The following KIRREL3 variants were observed in gnomAD, a reference collection of about 807,000 sequenced individuals.
The protein encoded by KIRREL3 is kirre like nephrin family adhesion molecule 3.
Under a neutral mutation model 89.7 loss-of-function variants are expected in KIRREL3, and 36 were observed. The observed-to-expected ratio is 0.40, with a 90% CI of 0.31 to 0.53. The LOEUF is 0.53. Among genes scored for constraint, KIRREL3 ranks in the 20% least tolerant of loss-of-function variants. The probability of loss-of-function intolerance (pLI) is 0.49; values close to 1 mark genes in which losing one functional copy is unlikely to be tolerated. For synonymous variants in KIRREL3, 445 were observed against 441.4 expected (o/e 1.01, Z -0.10); for missense variants, 864 against 1,056.6 (o/e 0.82, Z 2.53).
rs71048789 is a variant in KIRREL3 at position 126,455,632 on chromosome 11, CA to C, written c.848+716del. Among the ~76,000 whole-genome samples, 47,307 of 142,838 alleles carry C rather than the reference CA, an allele frequency of 0.33. 7,824 individuals are homozygous for C. The highest frequency in any genetic ancestry group is 0.48 in the East Asian group (2,355 of 4,950). The allele number at this position is 142,838 out of a possible 152,430, so 93.7% of individuals were successfully genotyped here. ...TGAAACGCTGTCTCTACTAAAAATACAAAAAAAAAAAAAAATTAGCTGGCGT... is the reference window on the plus strand; with the variant it reads ...TGAAACGCTGTCTCTACTAAAAATACAAAAAAAAAAAAAATTAGCTGGCGT... On this transcript the variant is annotated intron_variant, in intron 7 of 16. Coordinates refer to ENST00000525144, the MANE Select transcript of KIRREL3 (RefSeq NM_032531.4). This position sits in a 1 kb window ranked among gnomAD's most constrained non-coding sequence, Gnocchi z 6.4.
Position 126,579,621 on chromosome 11 carries a change from G to C in KIRREL3, c.56-16709C>G, listed in dbSNP as rs1230951787. On this transcript the variant is annotated intron_variant, in intron 1 of 16. Transcript: ENST00000525144. The surrounding 1 kb of genome is among the most constrained non-coding windows in gnomAD (Gnocchi z 5.3). ...AGGGCAGGGTACAAAGGAGGCAAAT[G>C]CACCACCTGTGGCCCTAGAGTGGGG... 6.6e-6 allele frequency among the ~76,000 whole-genome samples: 1 copy of C among 151,464 alleles called. No individual in the cohort carries two copies. The highest frequency in any genetic ancestry group is 2.4e-5 in the African/African-American group (1 of 41,180).
In KIRREL3 at chr11:126,508,265, ATTTTT is replaced by A. The variant is rs1005186194; in HGVS notation, c.433+13045_433+13049del. On this transcript the variant is annotated intron_variant, in intron 4 of 16. Coordinates refer to ENST00000525144, the MANE Select transcript of KIRREL3 (RefSeq NM_032531.4). The surrounding 1 kb of genome is among the most constrained non-coding windows in gnomAD (Gnocchi z 4.9). ...TTCGGGTTGTGGGACTCAGCTATTT[ATTTTT>A]GTGAGATGGAGGCTTCTGGGTGCCT... 1.3e-5 allele frequency among the ~76,000 whole-genome samples: 2 copies of A among 152,096 alleles called. No individual in the cohort carries two copies. Among genetic ancestry groups the A allele is most frequent in the African/African-American group, 4.8e-5 (2 of 41,412 alleles).
At chr11:126,831,950 A>G (rs1337684734) in intron 1 of KIRREL3, among the ~76,000 whole-genome samples, 1 of 152,252 alleles carries the variant, frequency 6.6e-6, no homozygotes. Flanking sequence ...TGACACACAG[A>G]TATTAATGCA....
chr11:126,499,175 G>T (rs1361671068), intron 4 of KIRREL3, among the ~76,000 whole-genome samples: 2 of 147,700 alleles, frequency 1.4e-5, no homozygotes, highest in Admixed American at 6.8e-5. Flanking sequence ...AAAGCTGTGC[G>T]TTGCTCAGGC....
chr11:126,713,628 G>C (rs1947845729), intron 1 of KIRREL3, among the ~76,000 whole-genome samples: 1 of 152,208 alleles, frequency 6.6e-6, no homozygotes, highest in Non-Finnish European at 1.5e-5. Context: ...ACTGACAGGA[G>C]TGTACATTCT....
chr11:126,807,448 T>G lies in KIRREL3; in HGVS notation c.55+193007A>C, dbSNP rs1174178787. Among the ~76,000 whole-genome samples, 1 of 152,214 alleles carries G rather than the reference T, an allele frequency of 6.6e-6. No individual in the cohort carries two copies. On this transcript the variant is annotated intron_variant, in intron 1 of 16. Coordinates refer to ENST00000525144, the MANE Select transcript of KIRREL3 (RefSeq NM_032531.4). The surrounding 1 kb of genome is among the most constrained non-coding windows in gnomAD (Gnocchi z 4.3). ...GGTTGAGACCTCATTAGCTATGTGTTTAACCATTCATGTCTAACTATTCAA... is the reference window on the plus strand; with the variant it reads ...GGTTGAGACCTCATTAGCTATGTGTGTAACCATTCATGTCTAACTATTCAA...
At position 126,776,031 on chromosome 11, in the gene KIRREL3, A is replaced by T. The variant is rs907603779; in HGVS notation, c.56-213119T>A. Among the ~76,000 whole-genome samples, 2 of 152,188 alleles carry T rather than the reference A, an allele frequency of 1.3e-5. No individual in the cohort carries two copies. The highest frequency in any genetic ancestry group is 2.9e-5 in the Non-Finnish European group (2 of 68,026). ...GGATTGGGGGCCACACTCCTGAGAC[A>T]GCAGAGTGGGAGCCTGGGGAAGCTC... On this transcript the variant is annotated intron_variant, in intron 1 of 16. Transcript: ENST00000525144. The surrounding 1 kb of genome is among the most constrained non-coding windows in gnomAD (Gnocchi z 4.7).
In KIRREL3 at chr11:126,811,518, G is replaced by A. The variant is rs150958538; in HGVS notation, c.55+188937C>T. Among the ~76,000 whole-genome samples the A allele has an allele frequency of 3.2e-3, 480 of 152,368 alleles. 1 individual carries two copies. Among genetic ancestry groups the A allele is most frequent in the Non-Finnish European group, 5.4e-3 (369 of 68,030 alleles). ...GTAATGAATAGGAACCTGTGCATTGGACGGGGACGGTGCCAGCTACAGCTG... is the reference window on the plus strand; with the variant it reads ...GTAATGAATAGGAACCTGTGCATTGAACGGGGACGGTGCCAGCTACAGCTG... On this transcript the variant is annotated intron_variant, in intron 1 of 16. Coordinates refer to ENST00000525144, the MANE Select transcript of KIRREL3 (RefSeq NM_032531.4). This position sits in a 1 kb window ranked among gnomAD's most constrained non-coding sequence, Gnocchi z 4.3.
chr11:126,808,624 G>A lies in KIRREL3; in HGVS notation c.55+191831C>T, dbSNP rs1291622812. 6.6e-6 allele frequency among the ~76,000 whole-genome samples: 1 copy of A among 152,166 alleles called. No individual in the cohort carries two copies. Among genetic ancestry groups the A allele is most frequent in the African/African-American group, 2.4e-5 (1 of 41,440 alleles). On this transcript the variant is annotated intron_variant, in intron 1 of 16. Coordinates refer to ENST00000525144, the MANE Select transcript of KIRREL3 (RefSeq NM_032531.4). This position sits in a 1 kb window ranked among gnomAD's most constrained non-coding sequence, Gnocchi z 4.1. Reference sequence around the variant, plus strand: ...TCAGCAGCAAAATGGAGCCAAATGGGCGGGGGCCTTTTTCTGCGCTTTTTA... The same window carrying A: ...TCAGCAGCAAAATGGAGCCAAATGGACGGGGGCCTTTTTCTGCGCTTTTTA...
At chr11:126,436,309 G>T (rs1419110616) in intron 12 of KIRREL3, among the ~76,000 whole-genome samples, 1 of 152,246 alleles carries the variant, frequency 6.6e-6, no homozygotes, top group African/African-American at 2.4e-5. Context: ...GCTTTAGCCT[G>T]GGTGCCCTCT....
In KIRREL3 at chr11:126,772,836, C is replaced by A. The variant is rs949752523; in HGVS notation, c.56-209924G>T. Among the ~76,000 whole-genome samples the A allele has an allele frequency of 2.6e-5, 4 of 152,168 alleles. No homozygotes were observed. Among genetic ancestry groups the A allele is most frequent in the African/African-American group, 9.7e-5 (4 of 41,432 alleles). The stretch of plus-strand genomic sequence containing the variant: ...TTTGAGCCTTTGCCCCTAATGCCAG[C>A]ACCATACCTACTGCATCTGGATCTT... On this transcript the variant is annotated intron_variant, in intron 1 of 16. Transcript: ENST00000525144. The surrounding 1 kb of genome is among the most constrained non-coding windows in gnomAD (Gnocchi z 4.6).
chr11:126,436,985 G>A lies in KIRREL3; in HGVS notation c.1378C>T (p.Leu460=). Residue 460 remains leucine (L), a synonymous_variant, in exon 12 of 17, where the codon CTG becomes TTG. Transcript: ENST00000525144. ...TAGCGCCCCGATGTGCCCGACTCCA[G>A]AACGTTCTCCTTCCAGGACCAGGCC... ...RIAWSWKENV[L]ESGTSGRYTV... 4 of 1,565,580 alleles carry A rather than the reference G, an allele frequency of 2.6e-6. No individual in the cohort carries two copies. The highest frequency in any genetic ancestry group is 1.3e-5 in the African/African-American group (1 of 74,078).
At chr11:126,500,973 C>T (rs1957840748) in intron 4 of KIRREL3, among the ~76,000 whole-genome samples, 2 of 152,196 alleles carry the variant, frequency 1.3e-5, no homozygotes, top group African/African-American at 4.8e-5. Flanking sequence ...CTGTTTGCAT[C>T]TGCATGCGGA....
At position 126,789,690 on chromosome 11, in the gene KIRREL3, T is replaced by C. The variant is rs141065489; in HGVS notation, c.55+210765A>G. Among the ~76,000 whole-genome samples the C allele has an allele frequency of 7.4e-3, 1,127 of 152,314 alleles. 4 individuals carry two copies. Among genetic ancestry groups the C allele is most frequent in the Non-Finnish European group, 0.012 (801 of 68,028 alleles). ...TAGGAAGCATTCCACCACAGTGGCC[T>C]AGTCCAAACTTCTCCAGATTCATTT... On this transcript the variant is annotated intron_variant, in intron 1 of 16. Coordinates refer to ENST00000525144, the MANE Select transcript of KIRREL3 (RefSeq NM_032531.4).
chr11:126,820,412 G>A (rs1460393651), intron 1 of KIRREL3, among the ~76,000 whole-genome samples: 1 of 152,192 alleles, frequency 6.6e-6, no homozygotes, highest in East Asian at 1.9e-4. Context: ...AGAGCTAATG[G>A]CAGCTTCCAT....
intron 1 of KIRREL3, among the ~76,000 whole-genome samples, chr11:126,798,884 T>C (rs1331226986): frequency 3.9e-4 from 60 of 152,246 alleles, no homozygotes; most frequent in Non-Finnish European, 4.4e-5. Context: ...TTAATCATGC[T>C]GTGTCTCAGT....
intron 1 of KIRREL3, among the ~76,000 whole-genome samples, chr11:126,711,581 C>A (rs1947757882): frequency 6.6e-6 from 1 of 152,088 alleles, no homozygotes; most frequent in East Asian, 1.9e-4. Context: ...CAAAAAACAA[C>A]AACAAAAAAT....
At chr11:126,786,999 C>T (rs1301268244) in intron 1 of KIRREL3, among the ~76,000 whole-genome samples, 3 of 152,216 alleles carry the variant, frequency 2.0e-5, no homozygotes, top group African/African-American at 7.2e-5. Context: ...TCTCTTCACA[C>T]TCCCTTATCT....
At chr11:126,657,772 G>T (rs1945220412) in intron 1 of KIRREL3, among the ~76,000 whole-genome samples, 1 of 152,228 alleles carries the variant, frequency 6.6e-6, no homozygotes, top group Admixed American at 6.5e-5. Context: ...AGAAACCTGT[G>T]CTGTGTTCAG....
Sources: gnomAD v4.1 joint callset for allele counts (sites outside exome capture counted in the v4.1 genomes callset) on GRCh38, gnomAD v4.1.1 for gene constraint, Gnocchi (gnomAD v3.1) non-coding constraint, MANE v1.5 for transcripts, NCBI Gene and HGNC (gene_info 2026-07-23, HGNC 2026-07-21) for gene names.